MS4A13: variants seen among roughly 807,000 people sequenced by gnomAD.
The protein encoded by MS4A13 is membrane-spanning 4-domains subfamily A member 13.
In MS4A13, 21 loss-of-function variants were observed where a neutral mutation model predicts 18.4. That is an observed-to-expected ratio of 1.14 (90% CI 0.81 to 1.64). The LOEUF is 1.64. MS4A13 is among the 40% of genes most tolerant of loss of function. MS4A13 has a pLI of 0.00. For missense variants in MS4A13, 173 were observed against 176.8 expected (o/e 0.98, Z 0.12); for synonymous variants, 62 against 57.2 (o/e 1.08, Z -0.38).
chr11:60,530,402 C>T (rs2086756570), intron 6 of MS4A13, among the ~76,000 whole-genome samples: 1 of 152,122 alleles, frequency 6.6e-6, no homozygotes, highest in African/African-American at 2.4e-5. Context: ...CTATGATCAA[C>T]AACTGATTGA....
intron 3 of MS4A13, among the ~76,000 whole-genome samples, chr11:60,522,224 A>ATG (rs749798433): frequency 0.43 from 60,732 of 140,004 alleles, 13,734 homozygotes; most frequent in Non-Finnish European, 0.51. Flanking sequence ...AGATAGATAG[A>ATG]TAGATAGATA....
intron 6 of MS4A13, among the ~76,000 whole-genome samples, chr11:60,541,924 C>A (rs1443411638): frequency 1.3e-5 from 2 of 151,772 alleles, no homozygotes; most frequent in Non-Finnish European, 1.5e-5. Flanking sequence ...CATGGTGAAA[C>A]CCCGTCTCTA....
At chr11:60,533,366 G>A (rs1299139030) in intron 6 of MS4A13, among the ~76,000 whole-genome samples, 7 of 122,008 alleles carry the variant, frequency 5.7e-5, no homozygotes, top group Admixed American at 9.2e-5. Context: ...CAAGAACTAC[G>A]TGAAGAATGC....
rs1380314044 is a variant in MS4A13, at chr11:60,525,324, G to A, written c.304G>A (p.Ala102Thr). The A allele has an allele frequency of 6.3e-7, 1 of 1,575,120 alleles. No homozygotes were observed. The highest frequency in any genetic ancestry group is 1.4e-5 in the African/African-American group (1 of 73,456). ...TGTGTCATACAGGAATTATGGACAA[G>A]CAGTAAGTGACCAATTCTATGGGAA... is the stretch of plus-strand genomic sequence containing the variant. ...NSVSYRNYGQ[A>T]KLGREVSRIL... The change falls in exon 5 of 7, where the codon GCA (alanine) becomes ACA (threonine). Residue 102 changes from alanine to threonine, a missense_variant and splice_region_variant. Transcript: ENST00000378186.
chr11:60,538,068 C>T (rs2086822283), intron 6 of MS4A13, among the ~76,000 whole-genome samples: 1 of 149,840 alleles, frequency 6.7e-6, no homozygotes, highest in Non-Finnish European at 1.5e-5. Flanking sequence ...GGGAGATATA[C>T]CTAATGCTGG....
At position 60,529,475 on chromosome 11, in the gene MS4A13, ACT is replaced by A. The variant is rs766403165; in HGVS notation, c.402+20_402+21del. On this transcript the variant is annotated intron_variant, in intron 6 of 6. Coordinates refer to ENST00000378186, the MANE Select transcript of MS4A13 (RefSeq NM_001012417.3). Reference sequence around the variant, plus strand: ...GTTCCAATTTGGTAAGTGTTTACCCACTCTCTGGCAAATCAAAAGATGTTGAT... The same window carrying A: ...GTTCCAATTTGGTAAGTGTTTACCCACTCTGGCAAATCAAAAGATGTTGAT... The A allele has an allele frequency of 5.6e-6, 8 of 1,441,204 alleles. No individual in the cohort carries two copies. Among genetic ancestry groups the A allele is most frequent in the East Asian group, 2.5e-5 (1 of 40,624 alleles). The allele number at this position is 1,441,204 out of a possible 1,614,324, so 89.3% of individuals were successfully genotyped here.
chr11:60,530,720 C>T (rs2086759278), intron 6 of MS4A13, among the ~76,000 whole-genome samples: 1 of 152,166 alleles, frequency 6.6e-6, no homozygotes, highest in Non-Finnish European at 1.5e-5. Flanking sequence ...GTGTCCCCAC[C>T]CAAATCTCAT....
chr11:60,540,826 T>G (rs187182736), intron 6 of MS4A13, among the ~76,000 whole-genome samples: 1 of 151,950 alleles, frequency 6.6e-6, no homozygotes, highest in East Asian at 1.9e-4. Flanking sequence ...TAGTGCCACA[T>G]GCCTGTGGTC....
At chr11:60,517,006 A>AT in intron 2 of MS4A13, among the ~76,000 whole-genome samples, 1 of 150,876 alleles carries the variant, frequency 6.6e-6, no homozygotes, top group South Asian at 2.1e-4. Flanking sequence ...TGATAAAACA[A>AT]TAAAAAAAAA....
At chr11:60,538,826 A>T (rs982811753) in intron 6 of MS4A13, among the ~76,000 whole-genome samples, 1 of 135,836 alleles carries the variant, frequency 7.4e-6, no homozygotes, top group Non-Finnish European at 1.6e-5. Context: ...TATCTGGCTG[A>T]TGGCAGAAAG....
At chr11:60,539,968 A>G (rs2135272995) in intron 6 of MS4A13, among the ~76,000 whole-genome samples, 2 of 152,370 alleles carry the variant, frequency 1.3e-5, no homozygotes, top group Middle Eastern at 6.8e-3. Context: ...GACTGAAGTG[A>G]CATCAGATGA....
At chr11:60,524,862 G>A (rs995119309) in intron 4 of MS4A13, among the ~76,000 whole-genome samples, 12 of 151,842 alleles carry the variant, frequency 7.9e-5, no homozygotes, top group Admixed American at 3.3e-4. Context: ...GGGTTTCACC[G>A]TGTTAGCCAG....
chr11:60,524,058 C>T (rs1349813783), intron 4 of MS4A13, 105 bp downstream of exon 4: 3 of 643,044 alleles, frequency 4.7e-6, no homozygotes, highest in East Asian at 2.7e-5. Context: ...ATCTACCCTA[C>T]CTGTAAAGTA....
At chr11:60,520,582 C>T (rs2086667229) in intron 3 of MS4A13, among the ~76,000 whole-genome samples, 1 of 152,216 alleles carries the variant, frequency 6.6e-6, no homozygotes, top group Non-Finnish European at 1.5e-5. Flanking sequence ...AAATGATCTC[C>T]TTTGACTCCA....
intron 6 of MS4A13, among the ~76,000 whole-genome samples, chr11:60,541,040 A>G (rs1480332800): frequency 6.6e-6 from 1 of 152,160 alleles, no homozygotes; most frequent in South Asian, 2.1e-4. Context: ...AAATCTATTC[A>G]TTGTAATAAT....
At chr11:60,527,728 C>G (rs954111719) in intron 5 of MS4A13, among the ~76,000 whole-genome samples, 1 of 151,874 alleles carries the variant, frequency 6.6e-6, no homozygotes, top group Non-Finnish European at 1.5e-5. Context: ...CCCAGCTACT[C>G]CGGAGGCTAA....
intron 2 of MS4A13, among the ~76,000 whole-genome samples, chr11:60,517,171 A>G (rs1202868029): frequency 6.8e-6 from 1 of 147,462 alleles, no homozygotes; most frequent in Non-Finnish European, 1.5e-5. Flanking sequence ...TTACCAAAAA[A>G]GAGACTTTTT....
chr11:60,523,466 C>T (rs2086691532), intron 3 of MS4A13, among the ~76,000 whole-genome samples: 1 of 152,116 alleles, frequency 6.6e-6, no homozygotes, highest in African/African-American at 2.4e-5. Flanking sequence ...TGTACCATCA[C>T]AATATGGAAT....
At chr11:60,522,080 C>T (rs545117638) in intron 3 of MS4A13, among the ~76,000 whole-genome samples, 13 of 152,076 alleles carry the variant, frequency 8.5e-5, no homozygotes, top group Non-Finnish European at 1.2e-4. Context: ...GGGAAGGACC[C>T]GCTCCCATGA....
Sources: allele counts gnomAD v4.1 joint callset (sites outside exome capture counted in the v4.1 genomes callset), GRCh38; gene constraint gnomAD v4.1.1; transcripts MANE v1.5; gene names NCBI Gene and HGNC (gene_info 2026-07-23, HGNC 2026-07-21).